The following FANCL variants were observed in gnomAD, a reference collection of about 807,000 sequenced individuals.
FANCL encodes the protein FA complementation group L.
A neutral mutation model predicts 59.4 loss-of-function variants in FANCL; 69 were observed. The ratio of observed to expected loss-of-function variants is 1.16; its 90% CI spans 0.96 to 1.42. The LOEUF (loss-of-function observed/expected upper bound fraction) is 1.42, where lower values mean the gene tolerates loss of function less well. Ranked by LOEUF, FANCL falls within the 40% of genes most tolerant of loss-of-function variation. The pLI is 0.00. For synonymous variants in FANCL, 180 were observed against 147.1 expected, an observed-to-expected ratio of 1.22 and a Z score of -1.62; for missense variants, 519 against 447.2, an observed-to-expected ratio of 1.16 and a Z score of -1.45.
intron 5 of FANCL, among the ~76,000 whole-genome samples, chr2:58,209,093 AATT>A (rs1441596020): frequency 9.2e-5 from 14 of 152,278 alleles, no homozygotes; most frequent in African/African-American, 3.4e-4. Flanking sequence ...AACTCTCCTA[AATT>A]ATTTGTAGCC....
chr2:58,222,821 A>C (rs1348143759), intron 4 of FANCL, among the ~76,000 whole-genome samples: 1 of 152,026 alleles, frequency 6.6e-6, no homozygotes, highest in Non-Finnish European at 1.5e-5. Flanking sequence ...TATGGTCTGA[A>C]GTATCAAACG....
upstream of FANCL, chr2:58,241,330 A>T: frequency 1.2e-6 from 2 of 1,613,262 alleles, no homozygotes; most frequent in Non-Finnish European, 1.7e-6. Context: ...AAGTCCGGAG[A>T]AACACAGAAA....
chr2:58,211,629 T>G lies in FANCL; in HGVS notation c.375-7403A>C, dbSNP rs372155101. Among the ~76,000 whole-genome samples the G allele has an allele frequency of 5.3e-5, 8 of 152,336 alleles. No individual in the cohort carries two copies. In the East Asian group the frequency reaches 1.5e-3, roughly 29 times the overall value. ...TTTTGAACTTTTATTTTATGCTGTTTCCCTTTTAAAACTAAATGCTTTTAA... is the reference window on the plus strand; with the variant it reads ...TTTTGAACTTTTATTTTATGCTGTTGCCCTTTTAAAACTAAATGCTTTTAA... On this transcript the variant is annotated intron_variant, in intron 5 of 13. Transcript: ENST00000233741.
At chr2:58,217,033 T>C (rs1005225267) in intron 5 of FANCL, among the ~76,000 whole-genome samples, 1 of 148,822 alleles carries the variant, frequency 6.7e-6, no homozygotes, top group African/African-American at 2.5e-5. Flanking sequence ...GCAGACTCTG[T>C]ATGACTGAAA....
rs993299258 is a variant in FANCL, at chr2:58,226,840, A to G, written c.217-56T>C. On this transcript the variant is annotated intron_variant, in intron 3 of 13. Transcript: ENST00000233741. ...TTGCACAATAAATATTCTATCCACT[A>G]AAACTGTAAAAAAATGTAGGCCCAA... The G allele has an allele frequency of 7.6e-6, 11 of 1,440,090 alleles. No individual in the cohort carries two copies. The Admixed American group carries it at 1.9e-4, about 25-fold the overall frequency. The allele number at this position is 1,440,090 out of a possible 1,614,324, so 89.2% of individuals were successfully genotyped here.
rs186152999 is a variant in FANCL, at chr2:58,196,720, T to C, written c.540+1874A>G. The stretch of plus-strand genomic sequence containing the variant: ...ATCTTTTCATGGCATTGCAAACTTT[T>C]CCACAGATAAATGCCTGGGGAAACT... On this transcript the variant is annotated intron_variant, in intron 7 of 13. Coordinates refer to ENST00000233741, the MANE Select transcript of FANCL (RefSeq NM_018062.4). Among the ~76,000 whole-genome samples, 6 of 152,084 alleles carry C rather than the reference T, an allele frequency of 3.9e-5. No homozygotes were observed. The East Asian group carries it at 1.2e-3, about 29-fold the overall frequency.
chr2:58,214,131 A>G (rs1171029283), intron 5 of FANCL, among the ~76,000 whole-genome samples: 1 of 152,234 alleles, frequency 6.6e-6, no homozygotes, highest in East Asian at 1.9e-4. Flanking sequence ...TCAGTGGCAC[A>G]CAACAGAAAC....
At chr2:58,172,727 C>T (rs180829785) in intron 7 of FANCL, among the ~76,000 whole-genome samples, 6 of 152,258 alleles carry the variant, frequency 3.9e-5, no homozygotes, top group East Asian at 1.9e-4. Context: ...AAAAGCAGAG[C>T]GCCTCTCCTC....
intron 7 of FANCL, 101 bp downstream of exon 7, chr2:58,198,493 T>C: frequency 1.0e-6 from 1 of 983,886 alleles, no homozygotes; most frequent in Non-Finnish European, 1.6e-6. Context: ...TTTTGGTATT[T>C]ACAGAGGGCC....
At chr2:58,164,001 A>C (rs1312613395) in intron 8 of FANCL, among the ~76,000 whole-genome samples, 1 of 152,054 alleles carries the variant, frequency 6.6e-6, no homozygotes, top group Admixed American at 6.6e-5. Context: ...ATTTATAAAA[A>C]CATTTTCTGT....
intron 1 of FANCL, among the ~76,000 whole-genome samples, chr2:58,235,538 C>T (rs1693933001): frequency 6.6e-6 from 1 of 152,040 alleles, no homozygotes; most frequent in Non-Finnish European, 1.5e-5. Context: ...TTAACTGTAG[C>T]TCACAACAAA....
At chr2:58,224,529 G>C (rs566396082) in intron 4 of FANCL, among the ~76,000 whole-genome samples, 26 of 151,804 alleles carry the variant, frequency 1.7e-4, no homozygotes, top group African/African-American at 5.5e-4. Context: ...TCCTACCTTA[G>C]AAGGTTCTTA....
Position 58,236,060 on chromosome 2 carries a change from AAAAG to A in FANCL, c.97-3952_97-3949del, listed in dbSNP as rs576239156. Among the ~76,000 whole-genome samples, 1,055 of 151,774 alleles carry A rather than the reference AAAAG, an allele frequency of 7.0e-3. 4 individuals are homozygous for A. The highest frequency in any genetic ancestry group is 0.021 in the Middle Eastern group (6 of 290). ...ACAGAAAAGGAGGAACAAAAAAAAA[AAAAG>A]AAAGAAAGAAAAAATAATGGCAGAT... On this transcript the variant is annotated intron_variant, in intron 1 of 13. Transcript: ENST00000233741.
At chr2:58,215,839 C>T (rs1558804362) in intron 5 of FANCL, among the ~76,000 whole-genome samples, 1 of 151,688 alleles carries the variant, frequency 6.6e-6, no homozygotes, top group Non-Finnish European at 1.5e-5. Flanking sequence ...TCCCTCAAAA[C>T]TTCTGATAAA....
rs564289517 is a variant in FANCL, at chr2:58,211,720, C to T, written c.375-7494G>A. On this transcript the variant is annotated intron_variant, in intron 5 of 13. Coordinates refer to ENST00000233741, the MANE Select transcript of FANCL (RefSeq NM_018062.4). ...ATTTCTTCCACCAGATACCCTAAATCATCTCTCTCAAGTTCATAGTTCCAC... is the reference window on the plus strand; with the variant it reads ...ATTTCTTCCACCAGATACCCTAAATTATCTCTCTCAAGTTCATAGTTCCAC... Among the ~76,000 whole-genome samples, 6 of 152,338 alleles carry T rather than the reference C, an allele frequency of 3.9e-5. No individual in the cohort carries two copies. The East Asian group carries it at 1.2e-3, about 29-fold the overall frequency.
rs1351046168 is a variant in FANCL, at chr2:58,222,002, G to A, written c.314C>T (p.Pro105Leu). The A allele has an allele frequency of 2.5e-6, 4 of 1,613,492 alleles. No individual in the cohort carries two copies. In the South Asian group the frequency reaches 4.4e-5, roughly 18 times the overall value. ...GCTTGAGTAGAACTGGGGAGGAGGAGGTAGTGCATACAGCTCTTGTCTATT... is the reference window on the plus strand; with the variant it reads ...GCTTGAGTAGAACTGGGGAGGAGGAAGTAGTGCATACAGCTCTTGTCTATT... The part of the protein sequence containing the change: ...LKNRQELYAL[P>L]PPPQFYSSLI... Residue 105 changes from proline to leucine, a missense_variant, in exon 5 of 14, where the codon CCT becomes CTT. Transcript: ENST00000233741.
At chr2:58,226,627 A>G in intron 4 of FANCL, 101 bp downstream of exon 4, 2 of 867,886 alleles carry the variant, frequency 2.3e-6, no homozygotes, top group Non-Finnish European at 3.8e-6. Flanking sequence ...ACTGAGAGTT[A>G]AGAAGACAAA....
chr2:58,161,980 T>C (rs532128253), intron 11 of FANCL, among the ~76,000 whole-genome samples: 4 of 151,932 alleles, frequency 2.6e-5, no homozygotes, highest in Admixed American at 6.6e-5. Context: ...TATTGTAGGG[T>C]GTTTCCTTTT....
chr2:58,179,017 A>T (rs1014674293), intron 7 of FANCL, among the ~76,000 whole-genome samples: 5 of 152,158 alleles, frequency 3.3e-5, no homozygotes, highest in African/African-American at 4.8e-5. Flanking sequence ...TAGGAATCCA[A>T]CTTACAAGGG....
Sources: allele counts gnomAD v4.1 joint callset (sites outside exome capture counted in the v4.1 genomes callset), GRCh38; gene constraint gnomAD v4.1.1; transcripts MANE v1.5; gene names NCBI Gene and HGNC (gene_info 2026-07-23, HGNC 2026-07-21).